The following CFAP69 variants were observed in gnomAD, a reference collection of about 807,000 sequenced individuals.
CFAP69 encodes cilia and flagella associated protein 69.
In CFAP69, 92 loss-of-function variants were observed where a neutral mutation model predicts 123.0. That is an observed-to-expected ratio of 0.75 (90% CI 0.63 to 0.89). The LOEUF (loss-of-function observed/expected upper bound fraction) is 0.89. Ranked by LOEUF, CFAP69 falls within the 40% of genes least tolerant of loss-of-function variation. The probability of loss-of-function intolerance (pLI) is 0.00; values close to 1 mark genes in which losing one functional copy is unlikely to be tolerated. For synonymous variants in CFAP69, 380 were observed against 364.3 expected (o/e 1.04, Z -0.49); for missense variants, 1,067 against 1,096.9 (o/e 0.97, Z 0.39).
chr7:90,264,412 T>A (rs1448583463), intron 4 of CFAP69, among the ~76,000 whole-genome samples: 6 of 151,954 alleles, frequency 3.9e-5, no homozygotes, highest in Non-Finnish European at 8.8e-5. Context: ...TGCCTTAATG[T>A]CTGCAAAACC....
chr7:90,276,958 A>G (rs947262470), intron 9 of CFAP69, 115 bp from the exon 10 acceptor site: 5 of 716,134 alleles, frequency 7.0e-6, no homozygotes, highest in South Asian at 2.6e-5. Context: ...ATGAATTCAA[A>G]TGAATGACAG....
Position 90,262,039 on chromosome 7 carries a change from TATC to T in CFAP69, c.342_344del (p.Ile115del), listed in dbSNP as rs1449494239. On this transcript the variant is annotated inframe_deletion, in exon 4 of 23. Transcript: ENST00000389297. ...CTCGTTTTATAGAATCTGCATATGA[TATC>T]ATAAAACTGTGTGGGTAAGTTATCT... 6.3e-7 allele frequency: 1 copy of T among 1,587,178 alleles called. No individual in the cohort carries two copies. Among genetic ancestry groups the T allele is most frequent in the East Asian group, 2.3e-5 (1 of 44,298 alleles).
chr7:90,310,367 A>G lies in CFAP69; in HGVS notation c.*129A>G. 1 of 448,442 alleles carries G rather than the reference A, an allele frequency of 2.2e-6. No homozygotes were observed. The highest frequency in any genetic ancestry group is 3.6e-6 in the Non-Finnish European group (1 of 277,680). 27.8% of individuals were successfully genotyped at this position (448,442 alleles called of 1,614,324 possible). ...TAAATATTTTAGTAAAATACTATAA[A>G]AATAAAAGGACATATAATTTATTTT... On this transcript the variant is annotated 3_prime_UTR_variant, in exon 23 of 23. Coordinates refer to ENST00000389297, the MANE Select transcript of CFAP69 (RefSeq NM_001039706.3).
intron 3 of CFAP69, 116 bp downstream of exon 3, chr7:90,258,279 T>C (rs1797891877): frequency 5.5e-6 from 4 of 724,374 alleles, no homozygotes; most frequent in Non-Finnish European, 8.9e-6. Context: ...ATTTGATGGC[T>C]TAAAACAACA....
At position 90,288,356 on chromosome 7, in the gene CFAP69, A is replaced by G; in HGVS notation, c.1775+4A>G. The G allele has an allele frequency of 1.2e-6, 2 of 1,607,582 alleles. No individual in the cohort carries two copies. Among genetic ancestry groups the G allele is most frequent in the Non-Finnish European group, 8.5e-7 (1 of 1,176,102 alleles). ...TTAGTACATTGGACAGCATTTGGTG[A>G]GTATTGCTATAATCAAATTAGGTAG... On this transcript the variant is annotated splice_donor_region_variant and intron_variant, in intron 15 of 22. Transcript: ENST00000389297.
rs995975377 is a variant in CFAP69, at chr7:90,258,308, G to A, written c.246+145G>A. ...AACAACATAAAGTTATTATCATACA[G>A]TTTTGGAGGTTAGAAGTCCAAAATC... is the stretch of plus-strand genomic sequence containing the variant. On this transcript the variant is annotated intron_variant, in intron 3 of 22. Coordinates refer to ENST00000389297, the MANE Select transcript of CFAP69 (RefSeq NM_001039706.3). The A allele has an allele frequency of 7.9e-6, 5 of 634,208 alleles. No individual in the cohort carries two copies. The South Asian group carries it at 1.2e-4, about 15-fold the overall frequency. 39.3% of individuals were successfully genotyped at this position (634,208 alleles called of 1,614,324 possible). A position where few individuals can be genotyped will look rare whatever the true frequency, so the allele number is the denominator to read the frequency against.
the CFAP69 span, chr7:90,318,464 T>C: frequency 6.6e-6 from 1 of 152,130 alleles, no homozygotes; most frequent in South Asian, 2.1e-4. Flanking sequence ...GGTAATGAAA[T>C]GTACATTTCA....
chr7:90,250,217 A>AGAGAGAGAGAGAGAGAGAGG (rs1562832463), intron 1 of CFAP69, among the ~76,000 whole-genome samples: 39 of 151,294 alleles, frequency 2.6e-4, no homozygotes, highest in African/African-American at 3.4e-4. Flanking sequence ...AGAGAGAGAG[A>AGAGAGAGAGAGAGAGAGAGG]GAGAGAGAGA....
chr7:90,256,205 AG>A (rs199736959), intron 2 of CFAP69, among the ~76,000 whole-genome samples: 2,651 of 152,342 alleles, frequency 0.017, 42 homozygotes, highest in Non-Finnish European at 0.025. Context: ...GCCATAAAAA[AG>A]GATGAGTTCC....
chr7:90,254,108 G>A (rs569820914), intron 1 of CFAP69, among the ~76,000 whole-genome samples: 7 of 152,192 alleles, frequency 4.6e-5, no homozygotes, highest in African/African-American at 1.7e-4. Context: ...TTTCCCCACT[G>A]TATGTTCTTG....
chr7:90,253,498 C>A (rs1310161838), intron 1 of CFAP69, among the ~76,000 whole-genome samples: 30 of 152,182 alleles, frequency 2.0e-4, no homozygotes, highest in Admixed American at 1.9e-3. Flanking sequence ...TCAAGCAATT[C>A]TTCTGCCTCA....
chr7:90,317,911 G>A, the CFAP69 span: 6 of 152,274 alleles, frequency 3.9e-5, no homozygotes, highest in South Asian at 1.2e-3. Flanking sequence ...GTAAACCATG[G>A]TAGCCACTGT....
chr7:90,323,487 T>C, the CFAP69 span, among the ~76,000 whole-genome samples: 1 of 152,184 alleles, frequency 6.6e-6, no homozygotes, highest in African/African-American at 2.4e-5. Context: ...ATTTAGACTT[T>C]GCAAAGTTGT....
At chr7:90,306,860 GT>G in intron 19 of CFAP69, 40 bp from the exon 20 acceptor site, 1 of 1,185,640 alleles carries the variant, frequency 8.4e-7, no homozygotes, top group Non-Finnish European at 1.2e-6. Flanking sequence ...TGCATGATTT[GT>G]TTTTGGTTAA....
Position 90,262,003 on chromosome 7 carries a change from A to T in CFAP69, c.303A>T (p.Ile101=). The T allele has an allele frequency of 6.2e-7, 1 of 1,605,072 alleles. No homozygotes were observed. Among genetic ancestry groups the T allele is most frequent in the Non-Finnish European group, 8.5e-7 (1 of 1,176,656 alleles). ...TTCTGAATCTGTGTTCAGGAAAAAT[A>T]AAAAACCAGCCTCGTTTTATAGAAT... ...FKILNLCSGK[I]KNQPRFIESA... Residue 101 remains isoleucine (I), a synonymous_variant, in exon 4 of 23, where the codon ATA becomes ATT. Transcript: ENST00000389297.
At chr7:90,297,635 T>C in intron 15 of CFAP69, 114 bp from the exon 16 acceptor site, 1 of 644,790 alleles carries the variant, frequency 1.6e-6, no homozygotes. Flanking sequence ...AGCTACTTGA[T>C]TTAAGAAAAT....
chr7:90,304,020 CACTGCCTGCTA>C lies in CFAP69; in HGVS notation c.2109_2119del (p.Ala704IlefsTer9), dbSNP rs1793194436. Reference sequence around the variant, plus strand: ...TTTCAAGAAGAGCAAAAAATCATCCCACTGCCTGCTAACTGCCCATCTATTGCGGTTATGGA... The same window carrying C: ...TTTCAAGAAGAGCAAAAAATCATCCCACTGCCCATCTATTGCGGTTATGGA... On this transcript the variant is annotated frameshift_variant, in exon 18 of 23. Coordinates refer to ENST00000389297, the MANE Select transcript of CFAP69 (RefSeq NM_001039706.3). LOFTEE classifies it high-confidence loss of function. 1 of 1,550,900 alleles carries C rather than the reference CACTGCCTGCTA, an allele frequency of 6.4e-7. No homozygotes were observed. The highest frequency in any genetic ancestry group is 1.2e-5 in the South Asian group (1 of 84,000).
Position 90,274,129 on chromosome 7 carries a change from G to C in CFAP69, c.984+19G>C, listed in dbSNP as rs766221444. ...AATGATTGTAAGTATGAATCAAATT[G>C]CATTAATTTTAATTGTGGAAGTGGT... On this transcript the variant is annotated intron_variant, in intron 9 of 22. Transcript: ENST00000389297. 6.3e-7 allele frequency: 1 copy of C among 1,586,728 alleles called. No homozygotes were observed. Among genetic ancestry groups the C allele is most frequent in the East Asian group, 2.3e-5 (1 of 43,578 alleles).
chr7:90,288,324 C>T lies in CFAP69; in HGVS notation c.1747C>T (p.Leu583Phe). 1 of 1,611,320 alleles carries T rather than the reference C, an allele frequency of 6.2e-7. No homozygotes were observed. Among genetic ancestry groups the T allele is most frequent in the Non-Finnish European group, 8.5e-7 (1 of 1,178,168 alleles). ...KLQSGLGYNV[L>F]LFSTLDSIWC... ...ACAGAGTGGCTTAGGCTATAATGTA[C>T]TTCTTTTTAGTACATTGGACAGCAT... Residue 583 changes from leucine to phenylalanine, a missense_variant, in exon 15 of 23, where the codon CTT becomes TTT. By Grantham distance (22) the Leu-to-Phe change is conservative. Coordinates refer to ENST00000389297, the MANE Select transcript of CFAP69 (RefSeq NM_001039706.3).
Sources: gnomAD v4.1 joint callset for allele counts (sites outside exome capture counted in the v4.1 genomes callset) on GRCh38, gnomAD v4.1.1 for gene constraint, MANE v1.5 for transcripts, NCBI Gene and HGNC (gene_info 2026-07-23, HGNC 2026-07-21) for gene names.